The following TSPAN18 variants were observed in gnomAD, a reference collection of about 807,000 sequenced individuals.
The protein encoded by TSPAN18 is tetraspanin 18, also known as tetraspanin-18.
Under a neutral mutation model 27.3 loss-of-function variants are expected in TSPAN18, and 14 were observed. That is an observed-to-expected ratio of 0.51 (90% CI 0.34 to 0.80). TSPAN18 has a LOEUF of 0.80. Ranked by LOEUF, TSPAN18 falls within the 30% of genes least tolerant of loss-of-function variation. The pLI is 0.01. For missense variants in TSPAN18, 268 were observed against 323.9 expected (o/e 0.83, Z 1.32); for synonymous variants, 143 against 136.5 (o/e 1.05, Z -0.33).
intron 2 of TSPAN18, among the ~76,000 whole-genome samples, chr11:44,769,399 G>A (rs1259819238): frequency 6.6e-6 from 1 of 152,196 alleles, no homozygotes; most frequent in Non-Finnish European, 1.5e-5. Context: ...TCAGCATAAT[G>A]ATGGCCTCAC....
intron 3 of TSPAN18, among the ~76,000 whole-genome samples, chr11:44,873,896 T>G (rs1468910558): frequency 6.6e-6 from 1 of 152,196 alleles, no homozygotes; most frequent in African/African-American, 2.4e-5. Context: ...GATTGGCCCC[T>G]CAGGGGGCTT....
chr11:44,799,214 G>T (rs1432031074), intron 2 of TSPAN18, among the ~76,000 whole-genome samples: 1 of 151,946 alleles, frequency 6.6e-6, no homozygotes. Flanking sequence ...CCTCAGCCTT[G>T]CCCGAGACCT....
Position 44,820,136 on chromosome 11 carries a change from G to T in TSPAN18, c.-152-40192G>T, listed in dbSNP as rs1250790048. On this transcript the variant is annotated intron_variant, in intron 2 of 9. Transcript: ENST00000520358. ...TCTCTGGCCAGGCTCCTTCAGGGTG[G>T]CCCATGCTCTCTGTGCTTTGACTAG... Among the ~76,000 whole-genome samples the T allele has an allele frequency of 5.3e-5, 8 of 152,338 alleles. No individual in the cohort carries two copies. The East Asian group carries it at 1.5e-3, about 29-fold the overall frequency.
chr11:44,729,116 G>A (rs1175276233), intron 1 of TSPAN18, among the ~76,000 whole-genome samples: 1 of 152,202 alleles, frequency 6.6e-6, no homozygotes, highest in Admixed American at 6.5e-5. Context: ...AATGCTCCAG[G>A]ACAAAGTTGC....
At chr11:44,880,533 C>G (rs1858461348) in intron 3 of TSPAN18, among the ~76,000 whole-genome samples, 1 of 152,196 alleles carries the variant, frequency 6.6e-6, no homozygotes, top group South Asian at 2.1e-4. Context: ...AGTGTGAGCC[C>G]TTGGGTACGG....
chr11:44,878,805 C>T (rs1858410148), intron 3 of TSPAN18, among the ~76,000 whole-genome samples: 1 of 152,204 alleles, frequency 6.6e-6, no homozygotes, highest in Non-Finnish European at 1.5e-5. Flanking sequence ...ACTCTTGTGT[C>T]TGGGCTGGGT....
At chr11:44,770,880 T>A (rs1855674887) in intron 2 of TSPAN18, among the ~76,000 whole-genome samples, 1 of 152,138 alleles carries the variant, frequency 6.6e-6, no homozygotes, top group Non-Finnish European at 1.5e-5. Context: ...AACCACAGCT[T>A]CTGGCCCAAG....
intron 3 of TSPAN18, among the ~76,000 whole-genome samples, chr11:44,870,643 T>C (rs1157181234): frequency 6.6e-6 from 1 of 152,240 alleles, no homozygotes; most frequent in African/African-American, 2.4e-5. Context: ...ATTTGATCTT[T>C]GGTTTCATCC....
In TSPAN18 at chr11:44,909,917, C is replaced by T. The variant is rs778714773; in HGVS notation, c.258+18C>T. 9 of 1,600,486 alleles carry T rather than the reference C, an allele frequency of 5.6e-6. No homozygotes were observed. The African/African-American group carries it at 1.2e-4, about 21-fold the overall frequency. The stretch of plus-strand genomic sequence containing the variant: ...TGCTATTTGTGAGTACCCCAGCCCC[C>T]ACCCCATCCATGGGTGCTCTGAGGG... On this transcript the variant is annotated intron_variant, in intron 5 of 9. Coordinates refer to ENST00000520358, the MANE Select transcript of TSPAN18 (RefSeq NM_130783.5).
intron 1 of TSPAN18, among the ~76,000 whole-genome samples, chr11:44,747,835 T>G (rs1247399026): frequency 6.6e-6 from 1 of 152,150 alleles, no homozygotes; most frequent in African/African-American, 2.4e-5. Context: ...CCAAATACTT[T>G]TCCTTCTACC....
intron 2 of TSPAN18, among the ~76,000 whole-genome samples, chr11:44,799,722 C>T (rs1856433740): frequency 6.6e-6 from 1 of 152,216 alleles, no homozygotes; most frequent in African/African-American, 2.4e-5. Flanking sequence ...GGAGTGATGA[C>T]CCATTCCCAG....
At chr11:44,769,570 A>G (rs1855645012) in intron 2 of TSPAN18, among the ~76,000 whole-genome samples, 2 of 152,190 alleles carry the variant, frequency 1.3e-5, no homozygotes, top group South Asian at 4.1e-4. Context: ...TTTCTTTAAT[A>G]TTAAGATTGT....
At chr11:44,895,568 A>G (rs2135294714) in intron 3 of TSPAN18, among the ~76,000 whole-genome samples, 1 of 152,356 alleles carries the variant, frequency 6.6e-6, no homozygotes, top group East Asian at 1.9e-4. Flanking sequence ...CACAGAGGAC[A>G]AAGAAAAAAA....
chr11:44,898,251 T>C (rs1565197704), intron 3 of TSPAN18, among the ~76,000 whole-genome samples: 1 of 152,242 alleles, frequency 6.6e-6, no homozygotes, highest in Non-Finnish European at 1.5e-5. Flanking sequence ...TTCATATCCA[T>C]GACTAATTAA....
At chr11:44,888,722 T>C (rs765357171) in intron 3 of TSPAN18, among the ~76,000 whole-genome samples, 2 of 152,172 alleles carry the variant, frequency 1.3e-5, no homozygotes, top group Non-Finnish European at 2.9e-5. Flanking sequence ...CTGGACAGTC[T>C]CCTGAGCTGT....
At chr11:44,790,576 A>G (rs1444399240) in intron 2 of TSPAN18, among the ~76,000 whole-genome samples, 9 of 101,896 alleles carry the variant, frequency 8.8e-5, no homozygotes, top group Non-Finnish European at 1.5e-4. Context: ...GTGTGTGTGC[A>G]TGTGTGTGCA....
chr11:44,829,941 T>G (rs949764599), intron 2 of TSPAN18, among the ~76,000 whole-genome samples: 5 of 152,222 alleles, frequency 3.3e-5, no homozygotes, highest in Non-Finnish European at 7.3e-5. Context: ...ACATGCAATA[T>G]GAACCAACTG....
rs1446331226 is a variant in TSPAN18 at position 44,926,738 on chromosome 11, T to C, written c.680T>C (p.Ile227Thr). ...TYVYLAGALA[I>T]GVLAIELFAM... ...GTCTACTTGGCCGGAGCCCTTGCCA[T>C]CGGGGTACTGGCCATCGAGGTAAGT... The change falls in exon 9 of 10, where the codon ATC becomes ACC. Residue 227 changes from isoleucine (I) to threonine (T), a missense_variant. Coordinates refer to ENST00000520358, the MANE Select transcript of TSPAN18 (RefSeq NM_130783.5). 1 of 1,614,100 alleles carries C rather than the reference T, an allele frequency of 6.2e-7. No homozygotes were observed. The highest frequency in any genetic ancestry group is 1.7e-5 in the Admixed American group (1 of 60,012).
intron 1 of TSPAN18, among the ~76,000 whole-genome samples, chr11:44,750,133 A>G (rs1243863482): frequency 6.6e-6 from 1 of 152,158 alleles, no homozygotes; most frequent in Non-Finnish European, 1.5e-5. Flanking sequence ...GCAGTAACTC[A>G]CCCAGGAACC....
Sources: gnomAD v4.1 joint callset for allele counts (sites outside exome capture counted in the v4.1 genomes callset) on GRCh38, gnomAD v4.1.1 for gene constraint, MANE v1.5 for transcripts, NCBI Gene and HGNC (gene_info 2026-07-23, HGNC 2026-07-21) for gene names.